The following CARMIL1 variants were observed in gnomAD, a reference collection of about 807,000 sequenced individuals.
CARMIL1 encodes capping protein regulator and myosin 1 linker 1.
A neutral mutation model predicts 177.1 loss-of-function variants in CARMIL1; 90 were observed. That is an observed-to-expected ratio of 0.51 (90% confidence interval 0.43 to 0.61). The LOEUF (loss-of-function observed/expected upper bound fraction) is 0.61. CARMIL1 is among the 20% of genes least tolerant of loss of function. The probability of loss-of-function intolerance (pLI) is 0.00; values close to 1 mark genes in which losing one functional copy is unlikely to be tolerated. For synonymous variants in CARMIL1, 577 were observed against 606.2 expected (o/e 0.95, Z 0.71); for missense variants, 1,380 against 1,667.0 (o/e 0.83, Z 3.00).
chr6:25,466,040 C>A, intron 9 of CARMIL1, 92 bp downstream of exon 9: 1 of 827,332 alleles, frequency 1.2e-6, no homozygotes. Context: ...TTTTACTGTA[C>A]TAGTAAGCTG....
intron 2 of CARMIL1, among the ~76,000 whole-genome samples, chr6:25,360,511 A>G (rs770643996): frequency 1.2e-4 from 19 of 152,058 alleles, no homozygotes; most frequent in Admixed American, 3.3e-4. Context: ...TAAACCTTAC[A>G]TACTTTTTTT....
chr6:25,577,205 C>T lies in CARMIL1; in HGVS notation c.2743-3719C>T. ...AAAACAGGCGATGAATTTAAAATAT[C>T]TCCAGCCATGTGCCTGAAAGCAAGC... On this transcript the variant is annotated intron_variant, in intron 29 of 36. Transcript: ENST00000329474. The surrounding 1 kb of genome is among the most constrained non-coding windows in gnomAD (Gnocchi z 4.5). 4.9e-6 allele frequency: 4 copies of T among 818,050 alleles called. No homozygotes were observed. The highest frequency in any genetic ancestry group is 5.9e-6 in the Non-Finnish European group (4 of 677,242). 50.7% of individuals were successfully genotyped at this position (818,050 alleles called of 1,614,324 possible). A position where few individuals can be genotyped will look rare whatever the true frequency, so the allele number is the denominator to read the frequency against.
chr6:25,365,552 CTTTA>C (rs952083998), intron 2 of CARMIL1, among the ~76,000 whole-genome samples: 3 of 152,102 alleles, frequency 2.0e-5, no homozygotes, highest in African/African-American at 7.2e-5. Context: ...GCCCCCCTCA[CTTTA>C]TTTATTTATT....
chr6:25,346,757 A>G (rs2690099), intron 2 of CARMIL1, among the ~76,000 whole-genome samples: 22,077 of 152,184 alleles, frequency 0.15, 1,735 homozygotes, highest in Admixed American at 0.15. Flanking sequence ...TTTGGCTTAA[A>G]GTCACTGTAA....
intron 2 of CARMIL1, among the ~76,000 whole-genome samples, chr6:25,319,760 G>T (rs1440152905): frequency 7.4e-6 from 1 of 134,606 alleles, no homozygotes; most frequent in African/African-American, 2.8e-5. Flanking sequence ...TCTACATTTG[G>T]TCACTTTTTT....
intron 36 of CARMIL1, among the ~76,000 whole-genome samples, chr6:25,616,770 A>G (rs1816924588): frequency 1.3e-5 from 2 of 152,238 alleles, no homozygotes; most frequent in African/African-American, 4.8e-5. Flanking sequence ...GGGCTGGAAA[A>G]CAAACGACAA....
Position 25,579,426 on chromosome 6 carries a change from C to T in CARMIL1, c.2743-1498C>T, listed in dbSNP as rs112221079. On this transcript the variant is annotated intron_variant, in intron 29 of 36. Transcript: ENST00000329474. ...GGATAGAATACTGAAGAACTTGTTGCGACCAAACACAGCATATATTTTGAT... is the reference window on the plus strand; with the variant it reads ...GGATAGAATACTGAAGAACTTGTTGTGACCAAACACAGCATATATTTTGAT... Among the ~76,000 whole-genome samples the T allele has an allele frequency of 1.2e-4, 18 of 152,240 alleles. 1 individual carries two copies. Among genetic ancestry groups the T allele is most frequent in the Admixed American group, 5.9e-4 (9 of 15,296 alleles).
At chr6:25,304,555 C>T (rs1783117833) in intron 2 of CARMIL1, among the ~76,000 whole-genome samples, 1 of 152,118 alleles carries the variant, frequency 6.6e-6, no homozygotes, top group African/African-American at 2.4e-5. Flanking sequence ...GGTTCACGCT[C>T]CTATGAGAAT....
intron 4 of CARMIL1, among the ~76,000 whole-genome samples, chr6:25,430,793 T>A (rs1225536944): frequency 6.6e-6 from 1 of 152,248 alleles, no homozygotes; most frequent in Non-Finnish European, 1.5e-5. Context: ...CATTTATATT[T>A]CTTTTCTTGA....
intron 26 of CARMIL1, among the ~76,000 whole-genome samples, chr6:25,550,508 G>T (rs1809977111): frequency 6.6e-6 from 1 of 152,152 alleles, no homozygotes; most frequent in African/African-American, 2.4e-5. Flanking sequence ...ATTCAAATAT[G>T]ATATATTTTC....
intron 8 of CARMIL1, among the ~76,000 whole-genome samples, chr6:25,450,954 CTCCT>C: frequency 3.9e-5 from 1 of 25,450 alleles, no homozygotes; most frequent in African/African-American, 1.5e-4. Context: ...CTCCTCTCCT[CTCCT>C]CTCCTCTCTT....
intron 2 of CARMIL1, among the ~76,000 whole-genome samples, chr6:25,300,710 T>A (rs1782793404): frequency 6.6e-6 from 1 of 152,168 alleles, no homozygotes; most frequent in African/African-American, 2.4e-5. Flanking sequence ...ACCTACTAAA[T>A]CAGAAACTCT....
chr6:25,338,920 T>G (rs552865811), intron 2 of CARMIL1, among the ~76,000 whole-genome samples: 12 of 150,646 alleles, frequency 8.0e-5, no homozygotes, highest in African/African-American at 2.9e-4. Flanking sequence ...GTTTCTGAAT[T>G]TGAGTCTCTG....
intron 2 of CARMIL1, among the ~76,000 whole-genome samples, chr6:25,374,947 T>C (rs921355672): frequency 3.9e-5 from 6 of 152,202 alleles, no homozygotes; most frequent in African/African-American, 1.4e-4. Context: ...ACAGCAGATA[T>C]TCGATTTGTA....
rs192283327 is a variant in CARMIL1 at position 25,515,443 on chromosome 6, A to G, written c.1633-232A>G. ...CATGTCTTTCCCTGGCTTCCCTTAA[A>G]AGAGAAGTGGTAGGTATTCAGCATT... On this transcript the variant is annotated intron_variant, in intron 20 of 36. Transcript: ENST00000329474. The surrounding 1 kb of genome is among the most constrained non-coding windows in gnomAD (Gnocchi z 5.0). 1.4e-4 allele frequency among the ~76,000 whole-genome samples: 21 copies of G among 152,254 alleles called. No homozygotes were observed. In the East Asian group the frequency reaches 4.1e-3, roughly 29 times the overall value.
At chr6:25,299,432 A>G (rs1384883492) in intron 2 of CARMIL1, among the ~76,000 whole-genome samples, 1 of 151,302 alleles carries the variant, frequency 6.6e-6, no homozygotes, top group Non-Finnish European at 1.5e-5. Flanking sequence ...TCGGCCTCCC[A>G]AAGTGCTGGG....
At chr6:25,362,673 A>G (rs1237518570) in intron 2 of CARMIL1, among the ~76,000 whole-genome samples, 1 of 151,932 alleles carries the variant, frequency 6.6e-6, no homozygotes, top group Non-Finnish European at 1.5e-5. Context: ...CCGTCTCAAA[A>G]ACAAAACAAA....
At chr6:25,400,986 A>G (rs940702933) in intron 2 of CARMIL1, among the ~76,000 whole-genome samples, 8 of 133,756 alleles carry the variant, frequency 6.0e-5, no homozygotes, top group African/African-American at 2.3e-4. Flanking sequence ...ATATATTTTT[A>G]TTATTAAATA....
At chr6:25,520,406 T>A (rs1243226106) in intron 23 of CARMIL1, 69 bp downstream of exon 23, 2 of 841,088 alleles carry the variant, frequency 2.4e-6, no homozygotes, top group Non-Finnish European at 3.8e-6. Context: ...CCTGAACTTA[T>A]AAACAATACT....
Sources: gnomAD v4.1 joint callset for allele counts (sites outside exome capture counted in the v4.1 genomes callset) on GRCh38, gnomAD v4.1.1 for gene constraint, Gnocchi (gnomAD v3.1) non-coding constraint, MANE v1.5 for transcripts, NCBI Gene and HGNC (gene_info 2026-07-23, HGNC 2026-07-21) for gene names.